Variants in CDH13 observed in about 807,000 individuals in gnomAD.
CDH13 encodes the protein cadherin 13.
Under a neutral mutation model 63.8 loss-of-function variants are expected in CDH13, and 24 were observed. That is an observed-to-expected ratio of 0.38 (90% CI 0.27 to 0.53). The LOEUF is 0.53. CDH13 is among the 20% of genes least tolerant of loss of function. The pLI is 0.85. For synonymous variants in CDH13, 503 were observed against 355.3 expected (o/e 1.42, Z -4.67); for missense variants, 1,049 against 903.1 (o/e 1.16, Z -2.07).
At chr16:83,765,936 G>A (rs953294188) in intron 11 of CDH13, among the ~76,000 whole-genome samples, 2 of 152,182 alleles carry the variant, frequency 1.3e-5, no homozygotes, top group African/African-American at 4.8e-5. Flanking sequence ...GCTGCTTATT[G>A]AAGGTTCAAC....
At chr16:83,781,024 C>T (rs1915482394) in intron 12 of CDH13, among the ~76,000 whole-genome samples, 1 of 152,186 alleles carries the variant, frequency 6.6e-6, no homozygotes, top group African/African-American at 2.4e-5. Flanking sequence ...TCAGACTTGA[C>T]TTGGTTTAAT....
intron 1 of CDH13, among the ~76,000 whole-genome samples, chr16:82,786,945 C>G (rs145877758): frequency 6.6e-6 from 1 of 152,106 alleles, no homozygotes; most frequent in Non-Finnish European, 1.5e-5. Context: ...AGGAAGCATC[C>G]TCTACTTGTG....
chr16:83,512,045 G>A (rs1028880292), intron 7 of CDH13, among the ~76,000 whole-genome samples: 1 of 152,190 alleles, frequency 6.6e-6, no homozygotes, highest in Non-Finnish European at 1.5e-5. Flanking sequence ...GAAGGGGCCA[G>A]GCGCGGTGGC....
chr16:82,669,797 C>T (rs954403528), intron 1 of CDH13, among the ~76,000 whole-genome samples: 3 of 152,278 alleles, frequency 2.0e-5, no homozygotes, highest in East Asian at 1.9e-4. Context: ...ATACCCCAGC[C>T]GGGTTGGTAG....
chr16:82,907,590 C>A (rs1445716127), intron 2 of CDH13, among the ~76,000 whole-genome samples: 1 of 152,134 alleles, frequency 6.6e-6, no homozygotes, highest in Non-Finnish European at 1.5e-5. Context: ...TCTTTTCTTC[C>A]TTTTTGTAAA....
intron 2 of CDH13, among the ~76,000 whole-genome samples, chr16:82,903,949 T>C (rs1352847095): frequency 2.0e-5 from 3 of 152,206 alleles, no homozygotes; most frequent in Non-Finnish European, 4.4e-5. Context: ...TCTGCTTCTC[T>C]GTATGTCTCT....
intron 11 of CDH13, among the ~76,000 whole-genome samples, chr16:83,758,501 C>T (rs1358333258): frequency 6.6e-6 from 1 of 152,048 alleles, no homozygotes; most frequent in Non-Finnish European, 1.5e-5. Context: ...CAGCAAACAT[C>T]TTCCTCAATG....
rs917560679 is a variant in CDH13 at position 82,922,465 on chromosome 16, G to C, written c.157+63992G>C. Among the ~76,000 whole-genome samples, 3 of 152,136 alleles carry C rather than the reference G, an allele frequency of 2.0e-5. No individual in the cohort carries two copies. In the East Asian group the frequency reaches 5.8e-4, roughly 29 times the overall value. On this transcript the variant is annotated intron_variant, in intron 2 of 13. Transcript: ENST00000567109. ...TTTCGAAGAAGCAAACATGAGTGTT[G>C]TTGCCCCCATCCTAGAACACAGACT...
chr16:83,126,432 T>C (rs141277174), intron 4 of CDH13, among the ~76,000 whole-genome samples: 196 of 152,264 alleles, frequency 1.3e-3, no homozygotes, highest in African/African-American at 4.4e-3. Flanking sequence ...GTACAAGGCA[T>C]GTTTGGGCAT....
chr16:83,600,455 C>T (rs9935900), intron 7 of CDH13, among the ~76,000 whole-genome samples: 2 of 152,154 alleles, frequency 1.3e-5, no homozygotes, highest in Admixed American at 1.3e-4. Context: ...AATGGTGTCC[C>T]TATGAGCAGA....
At chr16:83,559,228 C>G (rs2075656252) in intron 7 of CDH13, among the ~76,000 whole-genome samples, 1 of 152,170 alleles carries the variant, frequency 6.6e-6, no homozygotes, top group Non-Finnish European at 1.5e-5. Flanking sequence ...TTTGATGAGC[C>G]AGGCAATGTG....
At chr16:82,901,156 G>T (rs962613392) in intron 2 of CDH13, among the ~76,000 whole-genome samples, 1 of 150,868 alleles carries the variant, frequency 6.6e-6, no homozygotes, top group Non-Finnish European at 1.5e-5. Flanking sequence ...AAAAATGTCC[G>T]TACAGAAGAA....
chr16:82,798,762 G>C lies in CDH13; in HGVS notation c.46-59600G>C, dbSNP rs573548334. ...ACACATGCCCCAGGTAGAGCTGGGG[G>C]TTGGTGTCTTTGCTCCGTTAAGACG... On this transcript the variant is annotated intron_variant, in intron 1 of 13. Transcript: ENST00000567109. 2.6e-5 allele frequency among the ~76,000 whole-genome samples: 4 copies of C among 152,270 alleles called. No individual in the cohort carries two copies. In the South Asian group the frequency reaches 8.3e-4, roughly 32 times the overall value.
chr16:82,683,454 CG>C (rs576140707), intron 1 of CDH13, among the ~76,000 whole-genome samples: 5 of 152,196 alleles, frequency 3.3e-5, no homozygotes, highest in South Asian at 2.1e-4. Flanking sequence ...CCCAGTGACA[CG>C]GAAGGATGGC....
intron 2 of CDH13, among the ~76,000 whole-genome samples, chr16:82,973,106 G>A (rs1567708815): frequency 1.3e-5 from 2 of 152,236 alleles, no homozygotes; most frequent in African/African-American, 4.8e-5. Flanking sequence ...CACTCTTCTG[G>A]ATTGGATTTA....
At chr16:83,415,540 G>A (rs1321765617) in intron 6 of CDH13, among the ~76,000 whole-genome samples, 1 of 152,142 alleles carries the variant, frequency 6.6e-6, no homozygotes, top group African/African-American at 2.4e-5. Flanking sequence ...ACTGAATCCA[G>A]CAGCACATTA....
chr16:83,046,777 G>A (rs951135490), intron 3 of CDH13, among the ~76,000 whole-genome samples: 3 of 152,170 alleles, frequency 2.0e-5, no homozygotes, highest in African/African-American at 7.2e-5. Flanking sequence ...CAGTTGGCCT[G>A]AGATTGTTGC....
chr16:83,062,317 A>G (rs538120523), intron 3 of CDH13, among the ~76,000 whole-genome samples: 2 of 152,232 alleles, frequency 1.3e-5, no homozygotes, highest in East Asian at 3.9e-4. Flanking sequence ...ACACTTTCAC[A>G]TTTTTAAAAG....
intron 5 of CDH13, among the ~76,000 whole-genome samples, chr16:83,344,167 A>G (rs2090786789): frequency 1.3e-5 from 2 of 152,352 alleles, no homozygotes; most frequent in South Asian, 2.1e-4. Flanking sequence ...ATGTGCGCAT[A>G]AGGTCCCCGT....
Sources: allele counts gnomAD v4.1 joint callset (sites outside exome capture counted in the v4.1 genomes callset), GRCh38; gene constraint gnomAD v4.1.1; transcripts MANE v1.5; gene names NCBI Gene and HGNC (gene_info 2026-07-23, HGNC 2026-07-21).